The following SLC25A48 variants were observed in gnomAD, a reference collection of about 807,000 sequenced individuals.
SLC25A48 encodes the protein CTC-321K16.1.
In SLC25A48, 29 loss-of-function variants were observed where a neutral mutation model predicts 32.2. That is an observed-to-expected ratio of 0.90 (90% CI 0.67 to 1.23). The LOEUF (loss-of-function observed/expected upper bound fraction) is 1.23, where lower values mean the gene tolerates loss of function less well. SLC25A48 is among the 50% of genes most tolerant of loss of function. The probability of loss-of-function intolerance (pLI) is 0.00; values close to 1 mark genes in which losing one functional copy is unlikely to be tolerated. For synonymous variants in SLC25A48, 164 were observed against 172.3 expected, an observed-to-expected ratio of 0.95 and a Z score of 0.38; for missense variants, 399 against 422.7, an observed-to-expected ratio of 0.94 and a Z score of 0.49.
At chr5:135,750,002 G>A (rs73789129) in intron 3 of SLC25A48, among the ~76,000 whole-genome samples, 7,301 of 152,182 alleles carry the variant, frequency 0.048, 369 homozygotes, top group African/African-American at 0.13. Context: ...ACCATCCATC[G>A]TCTGTCTCTA....
intron 3 of SLC25A48, among the ~76,000 whole-genome samples, chr5:135,668,740 G>A (rs1448076782): frequency 1.3e-5 from 2 of 152,214 alleles, no homozygotes; most frequent in Non-Finnish European, 2.9e-5. Flanking sequence ...TTAAAAGAGG[G>A]AGAAAGTTCT....
At position 135,582,868 on chromosome 5, in the gene SLC25A48, C is replaced by T. The variant is rs142531126; in HGVS notation, c.-849+3271C>T. Among the ~76,000 whole-genome samples the T allele has an allele frequency of 2.6e-3, 401 of 152,320 alleles. 2 individuals are homozygous for T. Among genetic ancestry groups the T allele is most frequent in the African/African-American group, 9.3e-3 (386 of 41,560 alleles). The stretch of plus-strand genomic sequence containing the variant: ...CAATATTCACCATCCAGTTCTAATC[C>T]CACGAGCATACCCCCAACAACAGTC... On this transcript the variant is annotated intron_variant, in intron 1 of 10. Transcript: ENST00000646290.
intron 1 of SLC25A48, among the ~76,000 whole-genome samples, chr5:135,611,238 G>A (rs774377881): frequency 2.0e-5 from 3 of 152,062 alleles, no homozygotes; most frequent in South Asian, 2.1e-4. Context: ...GCCGGGGTGC[G>A]GTGACTTGTG....
chr5:135,711,815 C>T (rs1018472446), intron 3 of SLC25A48, among the ~76,000 whole-genome samples: 2 of 152,100 alleles, frequency 1.3e-5, no homozygotes, highest in Non-Finnish European at 1.5e-5. Context: ...CATTCTGCTC[C>T]GTTTATTGAT....
At chr5:135,674,572 TTCTTTCTGTGCCTTTTG>T (rs1210125183) in intron 3 of SLC25A48, among the ~76,000 whole-genome samples, 2 of 151,948 alleles carry the variant, frequency 1.3e-5, no homozygotes, top group African/African-American at 4.8e-5. Context: ...GTGTCTTTTT[TTCTTTCTGTGCCTTTTG>T]TCTTTCTGTG....
At chr5:135,637,529 T>A (rs940147375) in intron 3 of SLC25A48, among the ~76,000 whole-genome samples, 5 of 152,178 alleles carry the variant, frequency 3.3e-5, no homozygotes, top group African/African-American at 1.2e-4. Flanking sequence ...GGCCCCTAAC[T>A]CCTTAGTGTT....
At chr5:135,772,788 CT>C (rs1469191271) in intron 3 of SLC25A48, among the ~76,000 whole-genome samples, 2 of 151,292 alleles carry the variant, frequency 1.3e-5, no homozygotes, top group African/African-American at 4.9e-5. Flanking sequence ...GATAATATTA[CT>C]CCCAATGTCT....
intron 1 of SLC25A48, among the ~76,000 whole-genome samples, chr5:135,593,608 C>A (rs986284798): frequency 1.3e-5 from 2 of 152,180 alleles, no homozygotes; most frequent in Non-Finnish European, 2.9e-5. Flanking sequence ...TGGAGGACAG[C>A]GCCTTCAGGT....
chr5:135,790,094 T>C (rs1169772963), intron 3 of SLC25A48, among the ~76,000 whole-genome samples: 1 of 151,672 alleles, frequency 6.6e-6, no homozygotes, highest in East Asian at 1.9e-4. Flanking sequence ...AGGAGTAACA[T>C]CTTTCTTGGA....
chr5:135,820,685 G>T (rs1432369317), intron 4 of SLC25A48, among the ~76,000 whole-genome samples: 1 of 152,146 alleles, frequency 6.6e-6, no homozygotes, highest in African/African-American at 2.4e-5. Context: ...TGTCTATTTT[G>T]GTATTTCAAA....
intron 1 of SLC25A48, among the ~76,000 whole-genome samples, chr5:135,595,783 C>T (rs1246559398): frequency 6.6e-6 from 1 of 152,206 alleles, no homozygotes; most frequent in Non-Finnish European, 1.5e-5. Flanking sequence ...ACTTGTAAAG[C>T]CCATGACAGT....
intron 3 of SLC25A48, among the ~76,000 whole-genome samples, chr5:135,637,980 C>A (rs1485503673): frequency 6.6e-6 from 1 of 152,176 alleles, no homozygotes; most frequent in Non-Finnish European, 1.5e-5. Context: ...ATATACTTTT[C>A]TCCTTATTTT....
chr5:135,849,687 G>A (rs192121339), intron 2 of SLC25A48, among the ~76,000 whole-genome samples: 1 of 152,148 alleles, frequency 6.6e-6, no homozygotes, highest in Non-Finnish European at 1.5e-5. Context: ...GCGACATTTC[G>A]ACTCAGACCT....
At chr5:135,877,805 G>A (rs927124166) in intron 6 of SLC25A48, among the ~76,000 whole-genome samples, 2 of 152,130 alleles carry the variant, frequency 1.3e-5, no homozygotes, top group African/African-American at 4.8e-5. Flanking sequence ...AAGGTGAGGG[G>A]CCATCATCCA....
At chr5:135,646,988 TA>T (rs1289865278) in intron 3 of SLC25A48, among the ~76,000 whole-genome samples, 1 of 151,946 alleles carries the variant, frequency 6.6e-6, no homozygotes, top group Non-Finnish European at 1.5e-5. Context: ...ACTCTTTGCT[TA>T]GAGAGTGAAA....
In SLC25A48 at chr5:135,874,587, C is replaced by A. The variant is rs188603657; in HGVS notation, c.813+433C>A. 35 of 633,090 alleles carry A rather than the reference C, an allele frequency of 5.5e-5. No homozygotes were observed. In the African/African-American group the frequency reaches 6.2e-4, roughly 11 times the overall value. The allele number at this position is 633,090 out of a possible 1,614,324, so 39.2% of individuals were successfully genotyped here. ...TCCTGTCCTCAGTCAGCTCATCTCA[C>A]CAGCTCCAGGCCCTGTGAACTGCCT... is the stretch of plus-strand genomic sequence containing the variant. On this transcript the variant is annotated intron_variant, in intron 6 of 7. Coordinates refer to ENST00000681962, the MANE Select transcript of SLC25A48 (RefSeq NM_001349336.2).
chr5:135,715,745 C>G (rs1394890185), intron 3 of SLC25A48, among the ~76,000 whole-genome samples: 1 of 152,250 alleles, frequency 6.6e-6, no homozygotes, highest in Non-Finnish European at 1.5e-5. Flanking sequence ...AAACCTTCAA[C>G]TTGGATAACA....
intron 3 of SLC25A48, among the ~76,000 whole-genome samples, chr5:135,751,219 G>A (rs915200345): frequency 2.0e-5 from 3 of 152,172 alleles, no homozygotes; most frequent in Non-Finnish European, 2.9e-5. Context: ...CATCCCTCCT[G>A]CCTCAGCTCA....
chr5:135,820,428 G>T (rs933498588), intron 4 of SLC25A48, among the ~76,000 whole-genome samples: 1 of 152,142 alleles, frequency 6.6e-6, no homozygotes, highest in Non-Finnish European at 1.5e-5. Flanking sequence ...CTGAAAAGAG[G>T]CATTTCTATA....
Sources: gnomAD v4.1 joint callset for allele counts (sites outside exome capture counted in the v4.1 genomes callset) on GRCh38, gnomAD v4.1.1 for gene constraint, MANE v1.5 for transcripts, NCBI Gene and HGNC (gene_info 2026-07-23, HGNC 2026-07-21) for gene names.